Variants in FAM135A observed in about 807,000 individuals in gnomAD.
The protein encoded by FAM135A is family with sequence similarity 135 member A.
Under a neutral mutation model 146.8 loss-of-function variants are expected in FAM135A, and 79 were observed. The ratio of observed to expected loss-of-function variants is 0.54; its 90% CI spans 0.45 to 0.65. The LOEUF (loss-of-function observed/expected upper bound fraction) is 0.65. Ranked by LOEUF, FAM135A falls within the 30% of genes least tolerant of loss-of-function variation. The probability of loss-of-function intolerance (pLI) is 0.00; values close to 1 mark genes in which losing one functional copy is unlikely to be tolerated. For missense variants in FAM135A, 1,623 were observed against 1,758.2 expected (o/e 0.92, Z 1.38); for synonymous variants, 562 against 603.6 (o/e 0.93, Z 1.01).
Position 70,433,077 on chromosome 6 carries a change from C to CT in FAM135A, c.77+4674dup, listed in dbSNP as rs745785728. 8.9e-3 allele frequency among the ~76,000 whole-genome samples: 1,240 copies of CT among 139,236 alleles called. 15 individuals carry two copies. The highest frequency in any genetic ancestry group is 0.027 in the African/African-American group (1,019 of 38,276). 91.3% of individuals were successfully genotyped at this position (139,236 alleles called of 152,430 possible). ...ATAATTTATTGACCAAATCAAGATA[C>CT]TTTTTTTTTTTTTTTTAAGACAGTC... On this transcript the variant is annotated intron_variant, in intron 4 of 21. Coordinates refer to ENST00000418814, the MANE Select transcript of FAM135A (RefSeq NM_001162529.3).
chr6:70,499,178 T>G (rs760265031), intron 11 of FAM135A, among the ~76,000 whole-genome samples: 8 of 152,222 alleles, frequency 5.3e-5, no homozygotes, highest in Non-Finnish European at 1.2e-4. Context: ...TGCATATATA[T>G]TTAGGATAGT....
At chr6:70,444,459 G>A (rs1775262181) in intron 4 of FAM135A, among the ~76,000 whole-genome samples, 1 of 151,888 alleles carries the variant, frequency 6.6e-6, no homozygotes, top group African/African-American at 2.4e-5. Flanking sequence ...CAGCTACTCG[G>A]GAGGCTGAGA....
At chr6:70,432,792 T>A (rs1303643596) in intron 4 of FAM135A, among the ~76,000 whole-genome samples, 3 of 151,938 alleles carry the variant, frequency 2.0e-5, no homozygotes, top group African/African-American at 7.2e-5. Flanking sequence ...AGACATCGAC[T>A]TTTTTTTCCT....
At chr6:70,415,579 T>A (rs1456789358) in intron 2 of FAM135A, among the ~76,000 whole-genome samples, 1 of 152,192 alleles carries the variant, frequency 6.6e-6, no homozygotes, top group East Asian at 1.9e-4. Context: ...AAAAATGATT[T>A]TTCAAATGCA....
chr6:70,475,413 T>G lies in FAM135A; in HGVS notation c.161T>G (p.Met54Arg). 6.3e-7 allele frequency: 1 copy of G among 1,575,552 alleles called. No homozygotes were observed. The highest frequency in any genetic ancestry group is 8.6e-7 in the Non-Finnish European group (1 of 1,162,446). ...TTACATATCTTATCTGTTTTAGGTA[T>G]GACTTTAGCCTTTCCAGCCTCAGTT... is the stretch of plus-strand genomic sequence containing the variant. ...VEASLLHATG[M>R]TLAFPASVHD... is the part of the protein sequence containing the mutation. Residue 54 changes from methionine to arginine, a missense_variant, in exon 6 of 22, where the codon ATG becomes AGG. Physicochemically the swap from Met to Arg is moderately conservative, Grantham distance 91. This residue lies in a region of FAM135A where 171 missense variants were observed against 164.9 expected (regional missense o/e 1.04). Coordinates refer to ENST00000418814, the MANE Select transcript of FAM135A (RefSeq NM_001162529.3).
chr6:70,545,455 A>G (rs1006724797), intron 20 of FAM135A, among the ~76,000 whole-genome samples: 1 of 152,056 alleles, frequency 6.6e-6, no homozygotes, highest in African/African-American at 2.4e-5. Flanking sequence ...TCTACTAAAA[A>G]TACAAAAAAA....
intron 4 of FAM135A, among the ~76,000 whole-genome samples, chr6:70,429,027 G>C (rs1770845500): frequency 6.6e-6 from 1 of 152,090 alleles, no homozygotes; most frequent in African/African-American, 2.4e-5. Flanking sequence ...GGTGCTCTAG[G>C]AATCAACAGA....
chr6:70,491,108 T>G, intron 11 of FAM135A, 25 bp downstream of exon 11: 1 of 1,568,900 alleles, frequency 6.4e-7, no homozygotes, highest in South Asian at 1.2e-5. Context: ...TAAATTCACA[T>G]CATCAAGTTA....
chr6:70,523,874 A>T, intron 13 of FAM135A, 93 bp from the exon 14 acceptor site: 1 of 1,267,138 alleles, frequency 7.9e-7, no homozygotes, highest in South Asian at 1.5e-5. Context: ...GAGGGATAGG[A>T]ATTGAGGAGG....
chr6:70,491,194 A>G (rs1053255032), intron 11 of FAM135A, 111 bp downstream of exon 11: 6 of 885,534 alleles, frequency 6.8e-6, no homozygotes, highest in Non-Finnish European at 1.0e-5. Flanking sequence ...CTAAAATGCA[A>G]AGATAAAATG....
rs773239211 is a variant in FAM135A at position 70,524,749 on chromosome 6, T to C, written c.1665T>C (p.Cys555=). ...SQKEGLDPTI[C]GYNFDPKTYM... ...AGGAAGGTCTGGATCCCACAATATG[T>C]GGATATAATTTTGACCCAAAGACCT... The change falls in exon 15 of 22, where the codon TGT becomes TGC. Residue 555 remains cysteine, a synonymous_variant. Coordinates refer to ENST00000418814, the MANE Select transcript of FAM135A (RefSeq NM_001162529.3). 7.7e-6 allele frequency: 12 copies of C among 1,548,720 alleles called. No homozygotes were observed. The highest frequency in any genetic ancestry group is 8.7e-6 in the Non-Finnish European group (10 of 1,146,192).
chr6:70,431,293 A>T (rs899299818), intron 4 of FAM135A, among the ~76,000 whole-genome samples: 2 of 152,134 alleles, frequency 1.3e-5, no homozygotes, highest in African/African-American at 2.4e-5. Context: ...CAACGGTTCT[A>T]CTGATCTAGG....
chr6:70,532,705 A>ATGG (rs1796054528), intron 16 of FAM135A, among the ~76,000 whole-genome samples: 2 of 152,168 alleles, frequency 1.3e-5, no homozygotes, highest in African/African-American at 2.4e-5. Context: ...GGCCAAGGCC[A>ATGG]GCGGATCACA....
chr6:70,526,467 C>A lies in FAM135A; in HGVS notation c.3383C>A (p.Thr1128Lys), dbSNP rs552055948. The change falls in exon 15 of 22, where the codon ACA becomes AAA. Residue 1128 changes from threonine (T) to lysine (K), a missense_variant. Around this residue, in one of 7 missense-constraint regions of FAM135A, gnomAD observed 1,061 missense variants for 1,113.8 expected, o/e 0.95. Coordinates refer to ENST00000418814, the MANE Select transcript of FAM135A (RefSeq NM_001162529.3). Reference sequence around the variant, plus strand: ...GATGAACTAATGGAAGAAAGACTTACAAAATCTGAAAAAATAAACAGTGAC... The same window carrying A: ...GATGAACTAATGGAAGAAAGACTTAAAAAATCTGAAAAAATAAACAGTGAC... ...SRDELMEERL[T>K]KSEKINSDYL... 204 of 1,613,160 alleles carry A rather than the reference C, an allele frequency of 1.3e-4. 4 individuals carry two copies. The South Asian group carries it at 2.1e-3, about 17-fold the overall frequency.
At chr6:70,485,741 G>C (rs546250226) in intron 10 of FAM135A, among the ~76,000 whole-genome samples, 37 of 152,118 alleles carry the variant, frequency 2.4e-4, no homozygotes, top group African/African-American at 8.9e-4. Flanking sequence ...TTTTCTCCCA[G>C]ATGAATGATG....
At chr6:70,453,713 CT>C (rs1389799857) in intron 5 of FAM135A, among the ~76,000 whole-genome samples, 1 of 152,164 alleles carries the variant, frequency 6.6e-6, no homozygotes, top group African/African-American at 2.4e-5. Context: ...TGGTTTCCAG[CT>C]TCATCCATGT....
chr6:70,543,921 A>G (rs1057269192), intron 20 of FAM135A, among the ~76,000 whole-genome samples: 2 of 152,226 alleles, frequency 1.3e-5, no homozygotes, highest in African/African-American at 2.4e-5. Context: ...AAAACTGTTA[A>G]GAACCAAACT....
At chr6:70,420,811 T>C (rs1768647335) in intron 2 of FAM135A, among the ~76,000 whole-genome samples, 1 of 152,194 alleles carries the variant, frequency 6.6e-6, no homozygotes, top group Non-Finnish European at 1.5e-5. Context: ...GATATTTATG[T>C]TCTTTTTTGT....
chr6:70,535,043 T>C (rs971362737), intron 18 of FAM135A, among the ~76,000 whole-genome samples: 7 of 152,194 alleles, frequency 4.6e-5, no homozygotes, highest in Admixed American at 4.6e-4. Context: ...AAAAATAATA[T>C]TTCAACTTAT....
Sources: gnomAD v4.1 joint callset for allele counts (sites outside exome capture counted in the v4.1 genomes callset) on GRCh38, gnomAD v4.1.1 for gene constraint, gnomAD v4.1.1 regional missense constraint, MANE v1.5 for transcripts, NCBI Gene and HGNC (gene_info 2026-07-23, HGNC 2026-07-21) for gene names.